GLIS1: variants seen among roughly 807,000 people sequenced by gnomAD.
The protein encoded by GLIS1 is zinc finger protein GLIS1.
GLIS1 carries 24 observed loss-of-function variants against 63.8 expected under a neutral mutation model. The observed-to-expected ratio is 0.38, with a 90% CI of 0.27 to 0.53. The LOEUF (loss-of-function observed/expected upper bound fraction) is 0.53. GLIS1 is among the 20% of genes least tolerant of loss of function. The probability of loss-of-function intolerance (pLI) is 0.85; values close to 1 mark genes in which losing one functional copy is unlikely to be tolerated. For synonymous variants in GLIS1, 450 were observed against 482.5 expected (o/e 0.93, Z 0.88); for missense variants, 1,036 against 1,074.1 (o/e 0.96, Z 0.50).
rs1383222120 is a variant in GLIS1, at chr1:53,594,174, G to A, written c.1254C>T (p.Phe418=). 1.3e-5 allele frequency: 21 copies of A among 1,613,856 alleles called. No homozygotes were observed. The highest frequency in any genetic ancestry group is 1.8e-5 in the Non-Finnish European group (21 of 1,179,904). ...WAGCVRRYKP[F]NARYKLLIHM... ...GGATGAGCAGCTTGTAGCGGGCGTT[G>A]AAGGGCTTGTAGCGGCGCACGCAGC... The change falls in exon 4 of 11, where the codon TTC becomes TTT. Residue 418 remains phenylalanine, a synonymous_variant. Coordinates refer to ENST00000628545, the MANE Select transcript of GLIS1 (RefSeq NM_001367484.1).
intron 2 of GLIS1, among the ~76,000 whole-genome samples, chr1:53,697,936 C>T (rs1045531406): frequency 6.6e-6 from 1 of 152,110 alleles, no homozygotes; most frequent in African/African-American, 2.4e-5. Flanking sequence ...AATACAAGGA[C>T]GTGTATTGGG....
At chr1:53,699,422 A>G (rs573852580) in intron 2 of GLIS1, among the ~76,000 whole-genome samples, 3 of 152,284 alleles carry the variant, frequency 2.0e-5, no homozygotes, top group African/African-American at 7.2e-5. Context: ...TACAAGGTCA[A>G]TATCCCTTAT....
chr1:53,593,311 T>A (rs1465768434), intron 4 of GLIS1, among the ~76,000 whole-genome samples: 1 of 152,234 alleles, frequency 6.6e-6, no homozygotes, highest in African/African-American at 2.4e-5. Flanking sequence ...AGGCTGAGTG[T>A]ATCAGGGAGT....
chr1:53,662,185 G>A (rs1278498414), intron 2 of GLIS1, among the ~76,000 whole-genome samples: 2 of 152,212 alleles, frequency 1.3e-5, no homozygotes, highest in African/African-American at 4.8e-5. Flanking sequence ...GGCCTCAGAC[G>A]TTCATCTGTC....
chr1:53,725,188 G>C (rs1361919569), intron 2 of GLIS1, among the ~76,000 whole-genome samples: 1 of 152,170 alleles, frequency 6.6e-6, no homozygotes, highest in Non-Finnish European at 1.5e-5. Context: ...ACTCCAAGAA[G>C]AAAGCTTAAG....
At chr1:53,610,331 A>AT (rs1385289875) in intron 2 of GLIS1, among the ~76,000 whole-genome samples, 1 of 152,208 alleles carries the variant, frequency 6.6e-6, no homozygotes, top group Non-Finnish European at 1.5e-5. Flanking sequence ...TGCATTAAAA[A>AT]TTTTTAAAAA....
intron 2 of GLIS1, among the ~76,000 whole-genome samples, chr1:53,653,452 G>T (rs1041063111): frequency 6.6e-5 from 10 of 151,986 alleles, no homozygotes; most frequent in Non-Finnish European, 1.3e-4. Flanking sequence ...CTCTCCACTC[G>T]CTGTCTATTT....
At chr1:53,690,865 T>C (rs559632658) in intron 2 of GLIS1, among the ~76,000 whole-genome samples, 137 of 152,278 alleles carry the variant, frequency 9.0e-4, no homozygotes, top group Non-Finnish European at 1.7e-3. Context: ...CCGCTTTGCA[T>C]AAATCTAGAC....
At chr1:53,684,684 C>T (rs184492941) in intron 2 of GLIS1, among the ~76,000 whole-genome samples, 36 of 152,316 alleles carry the variant, frequency 2.4e-4, no homozygotes, top group Non-Finnish European at 4.4e-4. Context: ...GCACTCATTC[C>T]CTTCTTCCCT....
At chr1:53,508,543 T>G (rs569191709) in intron 10 of GLIS1, among the ~76,000 whole-genome samples, 8 of 152,136 alleles carry the variant, frequency 5.3e-5, no homozygotes, top group Non-Finnish European at 1.0e-4. Flanking sequence ...CTGCTCTGAC[T>G]AGGCCTGCCC....
At chr1:53,632,409 TGA>T (rs1252045756) in intron 2 of GLIS1, among the ~76,000 whole-genome samples, 1 of 146,424 alleles carries the variant, frequency 6.8e-6, no homozygotes, top group Admixed American at 6.8e-5. Context: ...TGAGTGTGAC[TGA>T]GGGGCATGTG....
At chr1:53,710,791 A>G (rs1327864656) in intron 2 of GLIS1, among the ~76,000 whole-genome samples, 1 of 152,212 alleles carries the variant, frequency 6.6e-6, no homozygotes, top group African/African-American at 2.4e-5. Flanking sequence ...CCCCCAGCAC[A>G]TGTGGGAAGC....
intron 8 of GLIS1, among the ~76,000 whole-genome samples, chr1:53,513,920 T>G (rs895299633): frequency 6.6e-6 from 1 of 152,216 alleles, no homozygotes; most frequent in East Asian, 1.9e-4. Flanking sequence ...GGGCCAGGCC[T>G]GCGGGGACAA....
chr1:53,556,023 C>G (rs1339943102), intron 4 of GLIS1, among the ~76,000 whole-genome samples: 1 of 73,586 alleles, frequency 1.4e-5, no homozygotes, highest in Admixed American at 1.6e-4. Context: ...TGTGTGTGTG[C>G]AGGTGTATTG....
chr1:53,719,663 G>T (rs1646733757), intron 2 of GLIS1, among the ~76,000 whole-genome samples: 1 of 151,950 alleles, frequency 6.6e-6, no homozygotes, highest in Admixed American at 6.6e-5. Context: ...GGAGGGAGGG[G>T]TAGTGCAAGT....
At chr1:53,612,621 T>A (rs1045127715) in intron 2 of GLIS1, among the ~76,000 whole-genome samples, 1 of 152,114 alleles carries the variant, frequency 6.6e-6, no homozygotes, top group Non-Finnish European at 1.5e-5. Context: ...AGCCCTTAAC[T>A]CCAATTTTTG....
intron 2 of GLIS1, among the ~76,000 whole-genome samples, chr1:53,687,941 C>T (rs957779734): frequency 6.6e-6 from 1 of 152,204 alleles, no homozygotes; most frequent in South Asian, 2.1e-4. Flanking sequence ...GAGTCCTAGA[C>T]GCAAGCGGGC....
Position 53,526,555 on chromosome 1 carries a change from AACC to A in GLIS1, c.1483-1671_1483-1669del, listed in dbSNP as rs1180945303. 4.0e-5 allele frequency among the ~76,000 whole-genome samples: 6 copies of A among 149,970 alleles called. No individual in the cohort carries two copies. The highest frequency in any genetic ancestry group is 9.8e-5 in the African/African-American group (4 of 40,864). ...CACACACACACACACACACACACAAAACCACCACCACCACACACACACACCACA... is the reference window on the plus strand; with the variant it reads ...CACACACACACACACACACACACAAAACCACCACCACACACACACACCACA... On this transcript the variant is annotated intron_variant, in intron 5 of 10. Transcript: ENST00000628545. This position sits in a 1 kb window ranked among gnomAD's most constrained non-coding sequence, Gnocchi z 4.4.
chr1:53,682,939 G>T (rs907859893), intron 2 of GLIS1, among the ~76,000 whole-genome samples: 4 of 152,148 alleles, frequency 2.6e-5, no homozygotes, highest in Non-Finnish European at 4.4e-5. Flanking sequence ...GCACGAAGGG[G>T]GTATACATAG....
Sources: gnomAD v4.1 joint callset for allele counts (sites outside exome capture counted in the v4.1 genomes callset) on GRCh38, gnomAD v4.1.1 for gene constraint, Gnocchi (gnomAD v3.1) non-coding constraint, MANE v1.5 for transcripts, NCBI Gene and HGNC (gene_info 2026-07-23, HGNC 2026-07-21) for gene names.